DPYD: variants seen among roughly 807,000 people sequenced by gnomAD.
DPYD encodes the protein dihydropyrimidine dehydrogenase [NADP(+)].
A neutral mutation model predicts 116.2 loss-of-function variants in DPYD; 109 were observed. That is an observed-to-expected ratio of 0.94 (90% CI 0.80 to 1.10). The LOEUF (loss-of-function observed/expected upper bound fraction) is 1.10, where lower values mean the gene tolerates loss of function less well. Among genes scored for constraint, DPYD ranks in the 50% least tolerant of loss-of-function variants. The pLI, the probability that DPYD is intolerant of heterozygous loss-of-function variation, is 0.00. For missense variants in DPYD, 1,302 were observed against 1,254.5 expected (o/e 1.04, Z -0.57); for synonymous variants, 440 against 432.0 (o/e 1.02, Z -0.23).
chr1:97,094,337 G>C (rs2101585460), intron 21 of DPYD, among the ~76,000 whole-genome samples: 1 of 152,206 alleles, frequency 6.6e-6, no homozygotes, highest in East Asian at 1.9e-4. Context: ...TTGGAGAATG[G>C]ATTAGATAAG....
chr1:97,586,752 G>C (rs1654155430), intron 10 of DPYD, among the ~76,000 whole-genome samples: 3 of 151,414 alleles, frequency 2.0e-5, no homozygotes, highest in Non-Finnish European at 4.4e-5. Context: ...ATGTACTGTA[G>C]AATTCTGACA....
chr1:97,216,469 C>T (rs948289039), intron 19 of DPYD, among the ~76,000 whole-genome samples: 1 of 152,018 alleles, frequency 6.6e-6, no homozygotes, highest in Non-Finnish European at 1.5e-5. Context: ...TATGAGTAAA[C>T]GGTTTATTAC....
intron 3 of DPYD, among the ~76,000 whole-genome samples, chr1:97,808,301 A>G (rs1437215235): frequency 1.3e-5 from 2 of 152,126 alleles, no homozygotes; most frequent in African/African-American, 4.8e-5. Context: ...CCATATTTTT[A>G]TAGATTTCCT....
chr1:97,365,103 G>T (rs10875074), intron 16 of DPYD, among the ~76,000 whole-genome samples: 141,677 of 152,214 alleles, frequency 0.93, 66,785 homozygotes, highest in East Asian at 1. Context: ...AACTCTGTTG[G>T]CTCTACTCTC....
intron 7 of DPYD, chr1:97,691,299 A>G (rs748160778): frequency 2.4e-5 from 4 of 168,036 alleles, no homozygotes; most frequent in Non-Finnish European, 3.9e-5. Flanking sequence ...CATTCACACT[A>G]CTGACATGAT....
intron 2 of DPYD, among the ~76,000 whole-genome samples, chr1:97,859,948 T>A (rs369420002): frequency 6.6e-6 from 1 of 151,774 alleles, no homozygotes; most frequent in East Asian, 1.9e-4. Context: ...TGGTGGCTCA[T>A]TATGAATATA....
intron 11 of DPYD, among the ~76,000 whole-genome samples, chr1:97,566,520 C>G (rs146268980): frequency 7.3e-4 from 111 of 152,164 alleles, no homozygotes; most frequent in African/African-American, 2.4e-3. Context: ...CTTAATAAGT[C>G]CCTTCCTCTA....
At chr1:97,317,928 G>T (rs1394962052) in intron 16 of DPYD, among the ~76,000 whole-genome samples, 1 of 151,976 alleles carries the variant, frequency 6.6e-6, no homozygotes. Flanking sequence ...AGTTGGTATA[G>T]TTCTTTAAAG....
chr1:97,255,515 T>C (rs548333031), intron 18 of DPYD, among the ~76,000 whole-genome samples: 2 of 152,238 alleles, frequency 1.3e-5, no homozygotes, highest in East Asian at 3.9e-4. Context: ...TCTCTCTCTT[T>C]GCCTGCTGCC....
chr1:97,732,518 A>G (rs1165428423), intron 4 of DPYD, among the ~76,000 whole-genome samples: 1 of 151,794 alleles, frequency 6.6e-6, no homozygotes, highest in Non-Finnish European at 1.5e-5. Flanking sequence ...GTGAAGTTAT[A>G]TATATATCAA....
intron 6 of DPYD, among the ~76,000 whole-genome samples, chr1:97,693,955 G>GA (rs1025448005): frequency 2.1e-4 from 32 of 152,186 alleles, no homozygotes; most frequent in African/African-American, 7.5e-4. Context: ...CTGTTGGTCA[G>GA]AAAAAAATAA....
intron 1 of DPYD, among the ~76,000 whole-genome samples, chr1:97,884,329 C>T (rs1672378953): frequency 6.6e-6 from 1 of 151,960 alleles, no homozygotes; most frequent in African/African-American, 2.4e-5. Flanking sequence ...ACCAAATTAA[C>T]ATTATTACCT....
At chr1:97,535,344 G>T (rs1351659089) in intron 12 of DPYD, among the ~76,000 whole-genome samples, 1 of 152,102 alleles carries the variant, frequency 6.6e-6, no homozygotes, top group Non-Finnish European at 1.5e-5. Context: ...ATTGCCATTA[G>T]ACCCAGCAGA....
chr1:97,326,205 T>A lies in DPYD; in HGVS notation c.2059-19908A>T, dbSNP rs540812752. On this transcript the variant is annotated intron_variant, in intron 16 of 22. Transcript: ENST00000370192. ...AATGAAAATTTAAAATTTTGCAGAT[T>A]TCAATTGCTGGAGGATAGTAATGTA... Among the ~76,000 whole-genome samples, 14 of 151,984 alleles carry A rather than the reference T, an allele frequency of 9.2e-5. No individual in the cohort carries two copies. The South Asian group carries it at 2.9e-3, about 32-fold the overall frequency.
chr1:97,818,859 T>C (rs1477914443), intron 3 of DPYD, among the ~76,000 whole-genome samples: 1 of 152,032 alleles, frequency 6.6e-6, no homozygotes, highest in Non-Finnish European at 1.5e-5. Flanking sequence ...CAAATGTGTG[T>C]ATCCATGTGT....
At chr1:97,451,682 C>T (rs545469108) in intron 13 of DPYD, among the ~76,000 whole-genome samples, 3 of 152,210 alleles carry the variant, frequency 2.0e-5, no homozygotes, top group East Asian at 1.9e-4. Context: ...TCTTGGCAAA[C>T]GCTTAAATGT....
chr1:97,778,444 G>A (rs1002196768), intron 3 of DPYD, among the ~76,000 whole-genome samples: 4 of 151,966 alleles, frequency 2.6e-5, no homozygotes, highest in Non-Finnish European at 4.4e-5. Context: ...GCTAATGAGT[G>A]AGAAGGTAAG....
At chr1:97,653,082 T>C (rs1031576715) in intron 8 of DPYD, among the ~76,000 whole-genome samples, 7 of 152,180 alleles carry the variant, frequency 4.6e-5, no homozygotes, top group Non-Finnish European at 1.5e-5. Flanking sequence ...CATTTATCTA[T>C]CTTCTCTGTC....
At chr1:97,196,709 G>A (rs1658838682) in intron 19 of DPYD, among the ~76,000 whole-genome samples, 1 of 152,126 alleles carries the variant, frequency 6.6e-6, no homozygotes, top group Admixed American at 6.5e-5. Context: ...GTGAGTCTTA[G>A]GAAAGTTAAA....
Sources: allele counts gnomAD v4.1 joint callset (sites outside exome capture counted in the v4.1 genomes callset), GRCh38; gene constraint gnomAD v4.1.1; transcripts MANE v1.5; gene names NCBI Gene and HGNC (gene_info 2026-07-23, HGNC 2026-07-21).